MGLL: variants seen among roughly 807,000 people sequenced by gnomAD.
MGLL encodes the protein lysophospholipase homolog.
Under a neutral mutation model 29.1 loss-of-function variants are expected in MGLL, and 7 were observed. The ratio of observed to expected loss-of-function variants is 0.24; its 90% CI spans 0.14 to 0.45. The LOEUF (loss-of-function observed/expected upper bound fraction) is 0.45, where lower values mean the gene tolerates loss of function less well. MGLL is among the 20% of genes least tolerant of loss of function. MGLL has a pLI of 0.99. For missense variants in MGLL, 356 were observed against 413.6 expected (o/e 0.86, Z 1.21); for synonymous variants, 148 against 168.3 (o/e 0.88, Z 0.93).
At chr3:127,718,211 C>G (rs2075853065) in intron 5 of MGLL, among the ~76,000 whole-genome samples, 1 of 152,176 alleles carries the variant, frequency 6.6e-6, no homozygotes, top group African/African-American at 2.4e-5. Context: ...GACTGGGCAT[C>G]TCACGCTGCC....
intron 2 of MGLL, among the ~76,000 whole-genome samples, chr3:127,797,090 A>C (rs2077394639): frequency 6.6e-6 from 1 of 152,084 alleles, no homozygotes; most frequent in South Asian, 2.1e-4. Context: ...GCAGAGGAGA[A>C]GCCTGTGATG....
At position 127,733,675 on chromosome 3, in the gene MGLL, G is replaced by A. The variant is rs144178212; in HGVS notation, c.263-11109C>T. 5.1e-4 allele frequency among the ~76,000 whole-genome samples: 77 copies of A among 152,298 alleles called. 2 individuals are homozygous for A. In the East Asian group the frequency reaches 0.01, roughly 20 times the overall value. The stretch of plus-strand genomic sequence containing the variant: ...GGAGAGTTTTAGGCACAAGAGGGAT[G>A]TTTGCATTTTTTAAAAAATGGCCTC... On this transcript the variant is annotated intron_variant, in intron 3 of 7. Coordinates refer to ENST00000265052, the MANE Select transcript of MGLL (RefSeq NM_007283.7).
At chr3:127,802,027 C>T (rs2077487774) in intron 2 of MGLL, among the ~76,000 whole-genome samples, 1 of 152,068 alleles carries the variant, frequency 6.6e-6, no homozygotes, top group Admixed American at 6.6e-5. Flanking sequence ...TCTGGGGACA[C>T]ATCTCAGACC....
At chr3:127,782,593 G>A (rs1297576236) in intron 2 of MGLL, among the ~76,000 whole-genome samples, 2 of 152,198 alleles carry the variant, frequency 1.3e-5, no homozygotes, top group Admixed American at 6.5e-5. Context: ...TTCCTCCCTC[G>A]GGGGCGAATG....
chr3:127,755,561 C>T lies in MGLL; in HGVS notation c.262+26228G>A, dbSNP rs970878976. On this transcript the variant is annotated intron_variant, in intron 3 of 7. Coordinates refer to ENST00000265052, the MANE Select transcript of MGLL (RefSeq NM_007283.7). ...CACAAGGGCGGACCACATGCAGCGG[C>T]GAGACTCAGTGCAGCCGGGACACTG... Among the ~76,000 whole-genome samples, 20 of 152,274 alleles carry T rather than the reference C, an allele frequency of 1.3e-4. No homozygotes were observed. The South Asian group carries it at 1.9e-3, about 14-fold the overall frequency.
At chr3:127,772,299 C>T (rs2076962744) in intron 3 of MGLL, among the ~76,000 whole-genome samples, 1 of 152,224 alleles carries the variant, frequency 6.6e-6, no homozygotes, top group African/African-American at 2.4e-5. Flanking sequence ...GTGCAGACAG[C>T]ACGCTGCATT....
Position 127,695,200 on chromosome 3 carries a change from G to A in MGLL, c.601-10C>T. ...AGTTATAAATGTCGACCTGGAGGAAGAAGGAGAGGGTTCCATCAGCATGGG... is the reference window on the plus strand; with the variant it reads ...AGTTATAAATGTCGACCTGGAGGAAAAAGGAGAGGGTTCCATCAGCATGGG... On this transcript the variant is annotated splice_polypyrimidine_tract_variant and intron_variant, in intron 6 of 7. Coordinates refer to ENST00000265052, the MANE Select transcript of MGLL (RefSeq NM_007283.7). 6.2e-7 allele frequency: 1 copy of A among 1,611,998 alleles called. No individual in the cohort carries two copies.
intron 5 of MGLL, among the ~76,000 whole-genome samples, chr3:127,714,684 T>C (rs2075781768): frequency 6.6e-6 from 1 of 152,138 alleles, no homozygotes; most frequent in South Asian, 2.1e-4. Flanking sequence ...CAGAAAGGTC[T>C]CAGTGCATAG....
At chr3:127,695,213 C>A (rs1195720939) in intron 6 of MGLL, 23 bp from the exon 7 acceptor site, 1 of 1,604,996 alleles carries the variant, frequency 6.2e-7, no homozygotes, top group Non-Finnish European at 8.5e-7. Context: ...GGAGAGGGTT[C>A]CATCAGCATG....
chr3:127,785,263 C>T (rs1268887178), intron 2 of MGLL, among the ~76,000 whole-genome samples: 1 of 152,196 alleles, frequency 6.6e-6, no homozygotes, highest in Admixed American at 6.5e-5. Flanking sequence ...GACCTCTTCC[C>T]GGCCTGGTCT....
At chr3:127,802,935 G>A (rs940289389) in intron 2 of MGLL, among the ~76,000 whole-genome samples, 1 of 152,006 alleles carries the variant, frequency 6.6e-6, no homozygotes, top group Non-Finnish European at 1.5e-5. Flanking sequence ...TCGCTTCTGT[G>A]CAAGAGCTTG....
chr3:127,794,663 T>C (rs1320097701), intron 2 of MGLL, among the ~76,000 whole-genome samples: 1 of 152,240 alleles, frequency 6.6e-6, no homozygotes, highest in East Asian at 1.9e-4. Context: ...TCTTCCATGA[T>C]GTCAAACTAT....
At chr3:127,754,387 C>T (rs917184521) in intron 3 of MGLL, among the ~76,000 whole-genome samples, 6 of 152,182 alleles carry the variant, frequency 3.9e-5, no homozygotes, top group Non-Finnish European at 8.8e-5. Context: ...ATCAAAAGCT[C>T]CACACAAGTG....
chr3:127,780,618 A>G (rs770720041), intron 3 of MGLL, among the ~76,000 whole-genome samples: 3 of 152,256 alleles, frequency 2.0e-5, no homozygotes, highest in Non-Finnish European at 4.4e-5. Context: ...ATCCAGCTGA[A>G]TAAGAGCCCC....
chr3:127,761,214 C>T lies in MGLL; in HGVS notation c.262+20575G>A, dbSNP rs577271098. On this transcript the variant is annotated intron_variant, in intron 3 of 7. Coordinates refer to ENST00000265052, the MANE Select transcript of MGLL (RefSeq NM_007283.7). This position sits in a 1 kb window ranked among gnomAD's most constrained non-coding sequence, Gnocchi z 4.6. ...ATTCCCTGTGGCCATCCGGACCCTT[C>T]GCACTATCAAGGGGCCCACCGCCTG... Among the ~76,000 whole-genome samples, 72 of 152,316 alleles carry T rather than the reference C, an allele frequency of 4.7e-4. No individual in the cohort carries two copies. The highest frequency in any genetic ancestry group is 1.6e-3 in the African/African-American group (66 of 41,550).
At chr3:127,695,336 C>T (rs2075338012) in intron 6 of MGLL, 146 bp from the exon 7 acceptor site, 1 of 778,590 alleles carries the variant, frequency 1.3e-6, no homozygotes, top group African/African-American at 1.7e-5. Context: ...GCTCTGAAGG[C>T]CAGCCGTGTT....
At chr3:127,770,401 G>A (rs909700085) in intron 3 of MGLL, among the ~76,000 whole-genome samples, 1 of 152,084 alleles carries the variant, frequency 6.6e-6, no homozygotes, top group Non-Finnish European at 1.5e-5. Context: ...AGAGCTGAAT[G>A]GCCCTGCATA....
chr3:127,717,309 G>T (rs547215582), intron 5 of MGLL, among the ~76,000 whole-genome samples: 4 of 152,316 alleles, frequency 2.6e-5, no homozygotes, highest in African/African-American at 9.6e-5. Flanking sequence ...GATGGGAGTG[G>T]GCTCCATTAA....
intron 3 of MGLL, among the ~76,000 whole-genome samples, chr3:127,757,844 C>T (rs183125893): frequency 6.6e-6 from 1 of 152,326 alleles, no homozygotes; most frequent in Admixed American, 6.5e-5. Flanking sequence ...AAACAGATTG[C>T]TGATACAGGA....
Sources: allele counts gnomAD v4.1 joint callset (sites outside exome capture counted in the v4.1 genomes callset), GRCh38; gene constraint gnomAD v4.1.1; non-coding constraint Gnocchi (gnomAD v3.1); transcripts MANE v1.5; gene names NCBI Gene and HGNC (gene_info 2026-07-23, HGNC 2026-07-21).